UQCC1: variants seen among roughly 807,000 people sequenced by gnomAD.
UQCC1 encodes the protein ubiquinol-cytochrome c reductase complex assembly factor 1, also known as bFGF-repressed Zic-binding protein.
UQCC1 carries 38 observed loss-of-function variants against 48.0 expected under a neutral mutation model. That is an observed-to-expected ratio of 0.79 (90% CI 0.61 to 1.04). The LOEUF (loss-of-function observed/expected upper bound fraction) is 1.04. Among genes scored for constraint, UQCC1 ranks in the 50% least tolerant of loss-of-function variants. The pLI, the probability that UQCC1 is intolerant of heterozygous loss-of-function variation, is 0.00. For synonymous variants in UQCC1, 111 were observed against 129.2 expected (o/e 0.86, Z 0.95); for missense variants, 368 against 381.8 (o/e 0.96, Z 0.30).
chr20:35,322,650 T>C (rs918482599), intron 7 of UQCC1, among the ~76,000 whole-genome samples: 2 of 151,998 alleles, frequency 1.3e-5, no homozygotes, highest in Admixed American at 6.5e-5. Flanking sequence ...GGGGGAACCA[T>C]TGAACCCGAG....
intron 2 of UQCC1, among the ~76,000 whole-genome samples, chr20:35,393,814 G>C (rs1601011798): frequency 6.6e-6 from 1 of 151,888 alleles, no homozygotes; most frequent in South Asian, 2.1e-4. Flanking sequence ...AATTGAAAAA[G>C]GTTAACTCGG....
At chr20:35,372,370 G>A (rs995193460) in intron 5 of UQCC1, among the ~76,000 whole-genome samples, 11 of 151,566 alleles carry the variant, frequency 7.3e-5, no homozygotes, top group Non-Finnish European at 1.6e-4. Context: ...ATCAGATAGA[G>A]AAAAAATATT....
rs771189825 is a variant in UQCC1, at chr20:35,347,244, C to T, written c.493G>A (p.Gly165Ser). The T allele has an allele frequency of 6.2e-7, 1 of 1,614,134 alleles. No homozygotes were observed. The highest frequency in any genetic ancestry group is 8.5e-7 in the Non-Finnish European group (1 of 1,180,030). Residue 165 changes from glycine (G) to serine (S), a missense_variant, in exon 7 of 10, where the codon GGC (glycine) becomes AGC (serine). Gly to Ser is a moderately conservative substitution (Grantham distance 56). Transcript: ENST00000374385. ...WMCLVRMKQEGRSGKYMCRII... is the reference protein window; with the variant it reads ...WMCLVRMKQESRSGKYMCRII... ...CGACACATGTACTTCCCACTCCGGC[C>T]TTCCTGCTTCATTCGGACTAGACAC...
chr20:35,334,692 T>TGGGTTTTCTCCATAGCACC (rs2061296283), intron 7 of UQCC1, among the ~76,000 whole-genome samples: 1 of 152,236 alleles, frequency 6.6e-6, no homozygotes, highest in Non-Finnish European at 1.5e-5. Context: ...CCAGTGCTTT[T>TGGGTTTTCTCCATAGCACC]AGCACAGTAC....
chr20:35,392,391 T>C (rs1364541664), intron 2 of UQCC1: 1 of 783,080 alleles, frequency 1.3e-6, no homozygotes, highest in East Asian at 6.4e-5. Flanking sequence ...CCCTCAGTTA[T>C]TTACATAAAT....
intron 1 of UQCC1, among the ~76,000 whole-genome samples, chr20:35,399,749 C>T (rs538759707): frequency 5.1e-4 from 77 of 149,880 alleles, no homozygotes; most frequent in African/African-American, 1.7e-3. Flanking sequence ...CCCAGCTACT[C>T]GGGAGGCTGA....
chr20:35,304,051 T>C lies in UQCC1; in HGVS notation c.784A>G (p.Met262Val), dbSNP rs374998402. The C allele has an allele frequency of 8.5e-5, 137 of 1,614,070 alleles. 2 individuals carry two copies. In the South Asian group the frequency reaches 1.2e-3, roughly 14 times the overall value. The stretch of plus-strand genomic sequence containing the variant: ...GTCAGAAGCAGATCCTCCCCGTTCA[T>C]GGAGTCCAGGTACTGTATCTGCAAC... Reference protein sequence around the residue: ...VRKQIQYLDSMNGEDLLLTGE... With the variant: ...VRKQIQYLDSVNGEDLLLTGE... The change falls in exon 10 of 10, where the codon ATG (methionine) becomes GTG (valine). Residue 262 changes from methionine (M) to valine (V), a missense_variant. Physicochemically the swap from Met to Val is conservative, Grantham distance 21. Coordinates refer to ENST00000374385, the MANE Select transcript of UQCC1 (RefSeq NM_018244.5).
chr20:35,325,806 G>A (rs1450422882), intron 7 of UQCC1, among the ~76,000 whole-genome samples: 4 of 151,922 alleles, frequency 2.6e-5, no homozygotes, highest in Admixed American at 2.6e-4. Flanking sequence ...ATGTGTAAAG[G>A]CACAGGGAGG....
At position 35,303,463 on chromosome 20, in the gene UQCC1, G is replaced by T. The variant is rs777962400; in HGVS notation, c.*472C>A. 5.5e-5 allele frequency: 9 copies of T among 163,970 alleles called. No homozygotes were observed. The highest frequency in any genetic ancestry group is 1.1e-4 in the Admixed American group (2 of 17,732). 10.2% of individuals were successfully genotyped at this position (163,970 alleles called of 1,614,324 possible). On this transcript the variant is annotated 3_prime_UTR_variant, in exon 10 of 10. Coordinates refer to ENST00000374385, the MANE Select transcript of UQCC1 (RefSeq NM_018244.5). ...TAAAGAAGGGCCATGGCAGAGAGAA[G>T]TCTCTGTTTCTTTTAATGGCCAACT...
rs186321507 is a variant in UQCC1, at chr20:35,308,975, C to T, written c.652-2196G>A. On this transcript the variant is annotated intron_variant, in intron 8 of 9. Transcript: ENST00000374385. ...AAGTGATCTGCCTGCTTCGGCCTCC[C>T]AAGTGCTGGGATTACAGGCGTGAGC... Among the ~76,000 whole-genome samples the T allele has an allele frequency of 1.3e-5, 2 of 152,262 alleles. 1 individual carries two copies. Among genetic ancestry groups the T allele is most frequent in the African/African-American group, 4.8e-5 (2 of 41,546 alleles).
intron 7 of UQCC1, among the ~76,000 whole-genome samples, chr20:35,342,645 G>A (rs955088033): frequency 2.0e-5 from 3 of 152,292 alleles, no homozygotes; most frequent in South Asian, 2.1e-4. Flanking sequence ...AGTGCGGCAA[G>A]GGCCCAAGGA....
chr20:35,371,096 C>T (rs534322623), intron 5 of UQCC1, among the ~76,000 whole-genome samples: 1 of 152,132 alleles, frequency 6.6e-6, no homozygotes, highest in Non-Finnish European at 1.5e-5. Context: ...TATTTATAAA[C>T]TTTTCTTAAG....
intron 6 of UQCC1, among the ~76,000 whole-genome samples, chr20:35,349,016 A>G (rs949939353): frequency 6.6e-6 from 1 of 152,138 alleles, no homozygotes; most frequent in Non-Finnish European, 1.5e-5. Context: ...AGGATTACTC[A>G]CCTAAAAGAC....
intron 7 of UQCC1, among the ~76,000 whole-genome samples, chr20:35,327,622 G>C (rs2061209403): frequency 6.6e-6 from 1 of 152,218 alleles, no homozygotes; most frequent in Non-Finnish European, 1.5e-5. Context: ...CTGGATCCCA[G>C]GTAGAAGCCA....
chr20:35,340,889 A>T (rs2146370813), intron 7 of UQCC1, among the ~76,000 whole-genome samples: 1 of 152,272 alleles, frequency 6.6e-6, no homozygotes, highest in East Asian at 1.9e-4. Flanking sequence ...ATTTTCAGAA[A>T]AACTAAAGCC....
At chr20:35,400,309 G>A (rs1419221724) in intron 1 of UQCC1, among the ~76,000 whole-genome samples, 1 of 151,736 alleles carries the variant, frequency 6.6e-6, no homozygotes, top group Non-Finnish European at 1.5e-5. Context: ...CTCTCTTAAG[G>A]TACTAATATA....
chr20:35,402,841 G>T (rs978636617), intron 1 of UQCC1, among the ~76,000 whole-genome samples: 2 of 151,588 alleles, frequency 1.3e-5, no homozygotes, highest in Admixed American at 6.6e-5. Flanking sequence ...CGAGGCAGGC[G>T]GACTGCCTGA....
intron 8 of UQCC1, among the ~76,000 whole-genome samples, chr20:35,310,382 C>T (rs2060976085): frequency 1.3e-5 from 2 of 152,120 alleles, no homozygotes; most frequent in African/African-American, 2.4e-5. Context: ...TGGTGGCTCA[C>T]GCCTGTAATC....
chr20:35,393,626 T>G (rs375383489), intron 2 of UQCC1, among the ~76,000 whole-genome samples: 4 of 152,078 alleles, frequency 2.6e-5, no homozygotes, highest in African/African-American at 9.7e-5. Flanking sequence ...ATTATTTGTA[T>G]TATTAACAAA....
Sources: gnomAD v4.1 joint callset for allele counts (sites outside exome capture counted in the v4.1 genomes callset) on GRCh38, gnomAD v4.1.1 for gene constraint, MANE v1.5 for transcripts, NCBI Gene and HGNC (gene_info 2026-07-23, HGNC 2026-07-21) for gene names.